The following RELN variants were observed in gnomAD, a reference collection of about 807,000 sequenced individuals.
The protein encoded by RELN is reelin.
Under a neutral mutation model 427.6 loss-of-function variants are expected in RELN, and 108 were observed. The observed-to-expected ratio is 0.25, with a 90% confidence interval of 0.22 to 0.30. The LOEUF (loss-of-function observed/expected upper bound fraction) is 0.30, where lower values mean the gene tolerates loss of function less well. Among genes scored for constraint, RELN ranks in the 10% least tolerant of loss-of-function variants. RELN has a pLI of 1.00. For missense variants in RELN, 3,715 were observed against 4,302.8 expected, an observed-to-expected ratio of 0.86 and a Z score of 3.82; for synonymous variants, 1,524 against 1,513.4, an observed-to-expected ratio of 1.01 and a Z score of -0.16.
At chr7:103,493,531 G>A (rs969792476) in intron 57 of RELN, among the ~76,000 whole-genome samples, 3 of 152,152 alleles carry the variant, frequency 2.0e-5, no homozygotes, top group African/African-American at 7.2e-5. Flanking sequence ...TGGATGTGCA[G>A]ATTTGAAATT....
At chr7:103,932,728 T>C (rs1262065023) in intron 1 of RELN, among the ~76,000 whole-genome samples, 1 of 152,126 alleles carries the variant, frequency 6.6e-6, no homozygotes, top group Non-Finnish European at 1.5e-5. Context: ...GCTACCAAAG[T>C]GGGCAACTGA....
At chr7:103,551,932 T>C (rs1282685121) in intron 40 of RELN, among the ~76,000 whole-genome samples, 1 of 145,682 alleles carries the variant, frequency 6.9e-6, no homozygotes, top group African/African-American at 2.6e-5. Flanking sequence ...TCTGTGTGTG[T>C]GTGTGGGTGT....
At chr7:103,713,702 G>A (rs1789862249) in intron 8 of RELN, among the ~76,000 whole-genome samples, 1 of 149,724 alleles carries the variant, frequency 6.7e-6, no homozygotes, top group Non-Finnish European at 1.5e-5. Context: ...TTTGAGGTCA[G>A]TATTATTCAC....
At chr7:103,491,562 C>T (rs1476083976) in intron 58 of RELN, among the ~76,000 whole-genome samples, 2 of 151,942 alleles carry the variant, frequency 1.3e-5, no homozygotes, top group African/African-American at 4.8e-5. Context: ...TAAGCAGCTG[C>T]CTTAGCCTGT....
At chr7:103,856,108 G>A (rs191827202) in intron 2 of RELN, among the ~76,000 whole-genome samples, 28 of 152,170 alleles carry the variant, frequency 1.8e-4, no homozygotes, top group African/African-American at 5.3e-4. Context: ...GGGTAGAAGG[G>A]CTATTCCTTA....
At chr7:103,501,583 T>C (rs1829031238) in intron 52 of RELN, among the ~76,000 whole-genome samples, 1 of 152,226 alleles carries the variant, frequency 6.6e-6, no homozygotes, top group Non-Finnish European at 1.5e-5. Flanking sequence ...CCAAAGTACA[T>C]GAAGGAACTT....
rs200504427 is a variant in RELN, at chr7:103,551,656, T to TC, written c.6073-361dup. 3.0e-3 allele frequency among the ~76,000 whole-genome samples: 451 copies of TC among 151,902 alleles called. 5 individuals carry two copies. Among genetic ancestry groups the TC allele is most frequent in the African/African-American group, 0.01 (419 of 41,408 alleles). On this transcript the variant is annotated intron_variant, in intron 40 of 64. Transcript: ENST00000428762. Reference sequence around the variant, plus strand: ...GTTTCCCTAATCCTAACTGTTAGCTTCCCCCCCATCTAGGTAGGATACCTT... The same window carrying TC: ...GTTTCCCTAATCCTAACTGTTAGCTTCCCCCCCCATCTAGGTAGGATACCTT...
rs753795117 is a variant in RELN at position 103,620,098 on chromosome 7, C to T, written c.2703-8295G>A. 6.6e-6 allele frequency among the ~76,000 whole-genome samples: 1 copy of T among 152,154 alleles called. No individual in the cohort carries two copies. The highest frequency in any genetic ancestry group is 2.4e-5 in the African/African-American group (1 of 41,446). ...GTGGGAGGGATCCAGTGGGAGATAA[C>T]TGAATGATGGGGATGGGTTCACCCA... On this transcript the variant is annotated intron_variant, in intron 20 of 64. Transcript: ENST00000428762. The surrounding 1 kb of genome is among the most constrained non-coding windows in gnomAD (Gnocchi z 4.1).
Position 103,603,574 on chromosome 7 carries a change from CT to C in RELN, c.3147-85del. On this transcript the variant is annotated intron_variant, in intron 23 of 64. Coordinates refer to ENST00000428762, the MANE Select transcript of RELN (RefSeq NM_005045.4). This position sits in a 1 kb window ranked among gnomAD's most constrained non-coding sequence, Gnocchi z 4.3. ...CTCTGACCTCAACCATTTCCCATGT[CT>C]TACTTTTGCTCAGGTCTTATCATTC... is the stretch of plus-strand genomic sequence containing the variant. 1.9e-6 allele frequency: 2 copies of C among 1,041,184 alleles called. No individual in the cohort carries two copies. Among genetic ancestry groups the C allele is most frequent in the South Asian group, 1.3e-5 (1 of 78,694 alleles). 64.5% of individuals were successfully genotyped at this position (1,041,184 alleles called of 1,614,324 possible).
At chr7:103,868,484 C>G (rs778838316) in intron 2 of RELN, among the ~76,000 whole-genome samples, 1 of 152,102 alleles carries the variant, frequency 6.6e-6, no homozygotes, top group Non-Finnish European at 1.5e-5. Flanking sequence ...TCAGAATCTT[C>G]ATCTACTAAG....
intron 6 of RELN, among the ~76,000 whole-genome samples, chr7:103,729,593 T>C (rs988854228): frequency 1.1e-4 from 17 of 152,166 alleles, no homozygotes; most frequent in Admixed American, 1.1e-3. Flanking sequence ...TCTTAGGAGA[T>C]TCAAATCTTC....
At chr7:103,778,012 A>G (rs1351059754) in intron 3 of RELN, among the ~76,000 whole-genome samples, 1 of 152,234 alleles carries the variant, frequency 6.6e-6, no homozygotes, top group African/African-American at 2.4e-5. Context: ...TGTGAAGCTT[A>G]TAAGGGGCGT....
chr7:103,653,529 C>A (rs1414178843), intron 13 of RELN, among the ~76,000 whole-genome samples: 1 of 152,002 alleles, frequency 6.6e-6, no homozygotes, highest in African/African-American at 2.4e-5. Context: ...GGCCTCAGCA[C>A]AAACAAATCT....
intron 2 of RELN, among the ~76,000 whole-genome samples, chr7:103,837,502 C>T (rs1038585697): frequency 7.2e-5 from 11 of 152,196 alleles, no homozygotes; most frequent in African/African-American, 2.7e-4. Context: ...TGCTCTCCTC[C>T]CACCCATCCT....
chr7:103,482,829 A>G lies in RELN; in HGVS notation c.10280+44T>C, dbSNP rs1248090154. 5 of 1,613,854 alleles carry G rather than the reference A, an allele frequency of 3.1e-6. No homozygotes were observed. In the Admixed American group the frequency reaches 8.3e-5, roughly 27 times the overall value. On this transcript the variant is annotated intron_variant, in intron 63 of 64. Coordinates refer to ENST00000428762, the MANE Select transcript of RELN (RefSeq NM_005045.4). ...TCATGCTATATCAAAGGAATTTCAAACCTTCCTGAAATGGACATGGGATGC... is the reference window on the plus strand; with the variant it reads ...TCATGCTATATCAAAGGAATTTCAAGCCTTCCTGAAATGGACATGGGATGC...
intron 53 of RELN, 89 bp downstream of exon 53, chr7:103,500,656 T>G: frequency 7.6e-7 from 1 of 1,315,152 alleles, no homozygotes; most frequent in Non-Finnish European, 1.1e-6. Flanking sequence ...CCAAAGGACA[T>G]TGTTATAGAT....
At chr7:103,722,020 C>A (rs992405311) in intron 8 of RELN, among the ~76,000 whole-genome samples, 7 of 152,140 alleles carry the variant, frequency 4.6e-5, no homozygotes, top group African/African-American at 1.7e-4. Context: ...ATCAAAAAAA[C>A]CATTATTTTT....
chr7:103,583,461 A>G (rs1292985064), intron 28 of RELN, among the ~76,000 whole-genome samples: 1 of 152,236 alleles, frequency 6.6e-6, no homozygotes, highest in African/African-American at 2.4e-5. Context: ...TTACAATACA[A>G]TGAAAGAGAT....
At chr7:103,665,792 T>C (rs1276253064) in intron 11 of RELN, among the ~76,000 whole-genome samples, 3 of 152,166 alleles carry the variant, frequency 2.0e-5, no homozygotes, top group South Asian at 2.1e-4. Context: ...TCTTTTCAAA[T>C]ATTAACTATC....
Sources: gnomAD v4.1 joint callset for allele counts (sites outside exome capture counted in the v4.1 genomes callset) on GRCh38, gnomAD v4.1.1 for gene constraint, Gnocchi (gnomAD v3.1) non-coding constraint, MANE v1.5 for transcripts, NCBI Gene and HGNC (gene_info 2026-07-23, HGNC 2026-07-21) for gene names.